Variants in OTUD7A observed in about 807,000 individuals in gnomAD.
OTUD7A encodes the protein OTU domain-containing protein 7A.
A neutral mutation model predicts 65.7 loss-of-function variants in OTUD7A; 12 were observed. That is an observed-to-expected ratio of 0.18 (90% CI 0.12 to 0.30). The LOEUF is 0.30. OTUD7A is among the 10% of genes least tolerant of loss of function. The pLI, the probability that OTUD7A is intolerant of heterozygous loss-of-function variation, is 1.00. For synonymous variants in OTUD7A, 641 were observed against 586.3 expected, an observed-to-expected ratio of 1.09 and a Z score of -1.35; for missense variants, 1,148 against 1,304.8, an observed-to-expected ratio of 0.88 and a Z score of 1.85.
chr15:31,839,953 C>CTT (rs5811667), intron 1 of OTUD7A, among the ~76,000 whole-genome samples: 88,094 of 151,822 alleles, frequency 0.58, 26,029 homozygotes, highest in East Asian at 0.69. Flanking sequence ...TTTAAAAAAA[C>CTT]TTTTTTTTGT....
intron 8 of OTUD7A, among the ~76,000 whole-genome samples, chr15:31,525,792 C>G (rs2042003607): frequency 6.6e-6 from 1 of 152,252 alleles, no homozygotes; most frequent in African/African-American, 2.4e-5. Context: ...TAGGAACAAG[C>G]TATTCCTAAA....
At chr15:31,665,348 G>A (rs1459453891) in intron 1 of OTUD7A, among the ~76,000 whole-genome samples, 1 of 152,118 alleles carries the variant, frequency 6.6e-6, no homozygotes, top group African/African-American at 2.4e-5. Context: ...CCAGTGTTCT[G>A]TAGTTTTCCT....
At chr15:31,651,047 C>T (rs1296960024) in intron 3 of OTUD7A, among the ~76,000 whole-genome samples, 2 of 129,994 alleles carry the variant, frequency 1.5e-5, no homozygotes, top group Non-Finnish European at 3.2e-5. Context: ...GAATAACAGA[C>T]AAAGCTTGAA....
chr15:31,709,249 T>C (rs1893377665), intron 1 of OTUD7A, among the ~76,000 whole-genome samples: 1 of 152,038 alleles, frequency 6.6e-6, no homozygotes, highest in African/African-American at 2.4e-5. Flanking sequence ...AAAGCAGGAC[T>C]GGCAGACTCA....
chr15:31,777,940 G>A (rs986619033), intron 1 of OTUD7A, among the ~76,000 whole-genome samples: 4 of 152,192 alleles, frequency 2.6e-5, no homozygotes, highest in South Asian at 2.1e-4. Context: ...TGAGCACAGC[G>A]GGTGACACAG....
intron 5 of OTUD7A, among the ~76,000 whole-genome samples, chr15:31,548,495 G>C (rs538978362): frequency 6.6e-6 from 1 of 152,116 alleles, no homozygotes; most frequent in Admixed American, 6.5e-5. Flanking sequence ...AGGAGGTCTC[G>C]TGGCATGGGC....
intron 3 of OTUD7A, among the ~76,000 whole-genome samples, chr15:31,630,447 G>C (rs1891106798): frequency 6.6e-6 from 1 of 152,168 alleles, no homozygotes; most frequent in African/African-American, 2.4e-5. Flanking sequence ...TTGCACTGTG[G>C]TCTGAGAGAC....
At chr15:31,787,203 C>G (rs996746607) in intron 1 of OTUD7A, among the ~76,000 whole-genome samples, 2 of 152,048 alleles carry the variant, frequency 1.3e-5, no homozygotes, top group South Asian at 4.1e-4. Context: ...CTTATTGGAG[C>G]AAGGAAAAGG....
intron 1 of OTUD7A, among the ~76,000 whole-genome samples, chr15:31,855,037 A>G (rs927181398): frequency 1.3e-5 from 2 of 152,244 alleles, no homozygotes; most frequent in African/African-American, 4.8e-5. Flanking sequence ...GATGACAAAT[A>G]TAAGACAAAA....
intron 1 of OTUD7A, among the ~76,000 whole-genome samples, chr15:31,777,811 T>G (rs1287857266): frequency 6.6e-6 from 1 of 152,168 alleles, no homozygotes; most frequent in East Asian, 1.9e-4. Context: ...GAAAGCTGTG[T>G]GCAAAGAGGC....
intron 3 of OTUD7A, among the ~76,000 whole-genome samples, chr15:31,610,949 A>G (rs1220162807): frequency 6.6e-6 from 1 of 152,006 alleles, no homozygotes; most frequent in Non-Finnish European, 1.5e-5. Context: ...AATTATATTA[A>G]GCACTCTGTC....
chr15:31,673,258 T>G (rs1296630517), intron 1 of OTUD7A, among the ~76,000 whole-genome samples: 1 of 152,212 alleles, frequency 6.6e-6, no homozygotes, highest in Non-Finnish European at 1.5e-5. Context: ...CATTCTAAAT[T>G]TGGACTAGTT....
intron 3 of OTUD7A, among the ~76,000 whole-genome samples, chr15:31,644,372 C>T (rs1361411741): frequency 6.6e-6 from 1 of 151,980 alleles, no homozygotes; most frequent in Non-Finnish European, 1.5e-5. Context: ...ACTTCCTTGG[C>T]TGTGAGATCA....
chr15:31,582,364 T>C (rs1195427754), intron 3 of OTUD7A, among the ~76,000 whole-genome samples: 1 of 152,230 alleles, frequency 6.6e-6, no homozygotes, highest in East Asian at 1.9e-4. Context: ...TGTTACCCAG[T>C]TCCAAAGTTG....
At chr15:31,666,191 T>G (rs1892315617) in intron 1 of OTUD7A, among the ~76,000 whole-genome samples, 1 of 152,116 alleles carries the variant, frequency 6.6e-6, no homozygotes, top group East Asian at 1.9e-4. Context: ...TAGGGAGGCT[T>G]TCTTCTTTCT....
At chr15:31,570,307 ATT>A in intron 3 of OTUD7A, 110 bp from the exon 4 acceptor site, 1 of 1,253,936 alleles carries the variant, frequency 8.0e-7, no homozygotes, top group African/African-American at 1.5e-5. Context: ...AAACTAATGA[ATT>A]TTTACCAGTA....
intron 1 of OTUD7A, among the ~76,000 whole-genome samples, chr15:31,756,665 C>T (rs1362574363): frequency 6.7e-6 from 1 of 149,698 alleles, no homozygotes; most frequent in African/African-American, 2.4e-5. Flanking sequence ...CACACACACA[C>T]ACACACACAC....
intron 1 of OTUD7A, among the ~76,000 whole-genome samples, chr15:31,754,289 T>C (rs1398578339): frequency 6.6e-6 from 1 of 152,190 alleles, no homozygotes; most frequent in Non-Finnish European, 1.5e-5. Context: ...TTGTGAAGAT[T>C]TTCTCCCACT....
intron 1 of OTUD7A, among the ~76,000 whole-genome samples, chr15:31,674,602 G>A (rs1054888642): frequency 3.3e-5 from 5 of 152,084 alleles, no homozygotes; most frequent in African/African-American, 1.2e-4. Context: ...AAATGCAATT[G>A]GTAAAAGCCC....
Sources: gnomAD v4.1 joint callset for allele counts (sites outside exome capture counted in the v4.1 genomes callset) on GRCh38, gnomAD v4.1.1 for gene constraint, MANE v1.5 for transcripts, NCBI Gene and HGNC (gene_info 2026-07-23, HGNC 2026-07-21) for gene names.